The following PID1 variants were observed in gnomAD, a reference collection of about 807,000 sequenced individuals.
PID1 encodes PTB-containing, cubilin and LRP1-interacting protein.
Under a neutral mutation model 19.1 loss-of-function variants are expected in PID1, and 10 were observed. The observed-to-expected ratio is 0.52, with a 90% CI of 0.32 to 0.89. The LOEUF is 0.89. Ranked by LOEUF, PID1 falls within the 40% of genes least tolerant of loss-of-function variation. The pLI, the probability that PID1 is intolerant of heterozygous loss-of-function variation, is 0.03. For synonymous variants in PID1, 130 were observed against 116.0 expected (o/e 1.12, Z -0.78); for missense variants, 248 against 285.3 (o/e 0.87, Z 0.94).
At chr2:229,095,785 G>T (rs945456808) in intron 2 of PID1, among the ~76,000 whole-genome samples, 8 of 152,084 alleles carry the variant, frequency 5.3e-5, no homozygotes, top group African/African-American at 1.9e-4. Context: ...GTTTCTTCTG[G>T]ATATGAGCAG....
intron 2 of PID1, among the ~76,000 whole-genome samples, chr2:229,049,796 C>G (rs1407647422): frequency 6.6e-6 from 1 of 152,126 alleles, no homozygotes; most frequent in African/African-American, 2.4e-5. Context: ...AAGTCATCGA[C>G]ACAGAACACA....
intron 1 of PID1, among the ~76,000 whole-genome samples, chr2:229,270,014 G>A (rs571844960): frequency 6.6e-6 from 1 of 152,288 alleles, no homozygotes; most frequent in South Asian, 2.1e-4. Flanking sequence ...TGTGCTTGGG[G>A]CTGTAAATGT....
At chr2:229,136,976 T>G (rs1689869840) in intron 2 of PID1, among the ~76,000 whole-genome samples, 1 of 152,156 alleles carries the variant, frequency 6.6e-6, no homozygotes, top group African/African-American at 2.4e-5. Context: ...CCAACTCCCT[T>G]AAGGCAAGGG....
intron 1 of PID1, among the ~76,000 whole-genome samples, chr2:229,202,156 A>T (rs968605643): frequency 6.6e-6 from 1 of 152,090 alleles, no homozygotes; most frequent in African/African-American, 2.4e-5. Context: ...AGAAAAGCAC[A>T]CGTAATCCCT....
chr2:229,247,942 C>A (rs1690046255), intron 1 of PID1, among the ~76,000 whole-genome samples: 1 of 152,062 alleles, frequency 6.6e-6, no homozygotes, highest in Non-Finnish European at 1.5e-5. Context: ...CTCCCACCTC[C>A]TTCTCTTACT....
intron 2 of PID1, among the ~76,000 whole-genome samples, chr2:229,112,391 C>T (rs750768298): frequency 2.3e-4 from 35 of 152,166 alleles, no homozygotes; most frequent in Non-Finnish European, 4.3e-4. Context: ...ACGTTAAACG[C>T]TCCTTAGCAA....
chr2:229,243,307 G>C (rs1398857649), intron 1 of PID1, among the ~76,000 whole-genome samples: 1 of 152,068 alleles, frequency 6.6e-6, no homozygotes, highest in Non-Finnish European at 1.5e-5. Flanking sequence ...TGGGAATTGT[G>C]GGAGTTACAA....
intron 2 of PID1, among the ~76,000 whole-genome samples, chr2:229,076,396 CT>C (rs1186225696): frequency 7.9e-5 from 12 of 151,190 alleles, no homozygotes; most frequent in Non-Finnish European, 1.6e-4. Context: ...TTTTTTTTTA[CT>C]TTTTTTATGA....
At chr2:229,040,653 C>G (rs1373184536) in intron 2 of PID1, among the ~76,000 whole-genome samples, 1 of 152,032 alleles carries the variant, frequency 6.6e-6, no homozygotes, top group Admixed American at 6.6e-5. Context: ...GTAAACCTAA[C>G]TGGATTGCAA....
intron 2 of PID1, among the ~76,000 whole-genome samples, chr2:229,101,554 A>ACT (rs1695075082): frequency 6.6e-6 from 1 of 152,206 alleles, no homozygotes; most frequent in Non-Finnish European, 1.5e-5. Context: ...TGCTATGCAA[A>ACT]ATGTTTGCGT....
In PID1 at chr2:229,039,845, A is replaced by G. The variant is rs369066557; in HGVS notation, c.178-13737T>C. Among the ~76,000 whole-genome samples, 8 of 152,336 alleles carry G rather than the reference A, an allele frequency of 5.3e-5. No individual in the cohort carries two copies. The East Asian group carries it at 1.2e-3, about 22-fold the overall frequency. ...CCTTTTGGAAGGGAACTATCATTCT[A>G]TAACAAAACTCTATATGTCTTTTGA... On this transcript the variant is annotated intron_variant, in intron 2 of 2. Coordinates refer to ENST00000392055, the MANE Select transcript of PID1 (RefSeq NM_001100818.2).
At chr2:229,208,685 T>C (rs868678402) in intron 1 of PID1, among the ~76,000 whole-genome samples, 1 of 152,212 alleles carries the variant, frequency 6.6e-6, no homozygotes, top group Admixed American at 6.5e-5. Flanking sequence ...CTCATTGAAA[T>C]ATTTCTTAAC....
intron 1 of PID1, among the ~76,000 whole-genome samples, chr2:229,224,840 A>G (rs1692044533): frequency 6.6e-6 from 1 of 152,056 alleles, no homozygotes; most frequent in Non-Finnish European, 1.5e-5. Context: ...AATAAAAAAA[A>G]AAAAAAAACC....
chr2:229,078,894 GA>G (rs564273537), intron 2 of PID1, among the ~76,000 whole-genome samples: 42 of 149,518 alleles, frequency 2.8e-4, no homozygotes, highest in Non-Finnish European at 3.9e-4. Flanking sequence ...CTTTGCAATG[GA>G]AAAAAAAATA....
chr2:229,165,103 G>A (rs751818942), intron 1 of PID1, among the ~76,000 whole-genome samples: 8 of 152,186 alleles, frequency 5.3e-5, no homozygotes, highest in South Asian at 2.1e-4. Flanking sequence ...AGAAGTTCTA[G>A]TGCCACTAGT....
intron 2 of PID1, among the ~76,000 whole-genome samples, chr2:229,052,428 GT>G (rs1388227597): frequency 6.6e-5 from 10 of 152,254 alleles, no homozygotes; most frequent in African/African-American, 2.2e-4. Context: ...TAACTAAGGT[GT>G]TTAGCAATAA....
intron 2 of PID1, among the ~76,000 whole-genome samples, chr2:229,042,597 A>G (rs1693793862): frequency 6.6e-6 from 1 of 152,190 alleles, no homozygotes; most frequent in Admixed American, 6.5e-5. Flanking sequence ...GAGGAGGAGG[A>G]GAGTGTATCC....
At chr2:229,029,722 C>T (rs1248794133) in intron 2 of PID1, among the ~76,000 whole-genome samples, 1 of 151,848 alleles carries the variant, frequency 6.6e-6, no homozygotes, top group East Asian at 1.9e-4. Flanking sequence ...CACCTGTAAT[C>T]CCACCTACTC....
chr2:229,078,171 T>C (rs1694600150), intron 2 of PID1, among the ~76,000 whole-genome samples: 1 of 152,212 alleles, frequency 6.6e-6, no homozygotes, highest in Non-Finnish European at 1.5e-5. Context: ...CAATTCTGAA[T>C]GGGAGTTTGC....
Sources: gnomAD v4.1 joint callset for allele counts (sites outside exome capture counted in the v4.1 genomes callset) on GRCh38, gnomAD v4.1.1 for gene constraint, MANE v1.5 for transcripts, NCBI Gene and HGNC (gene_info 2026-07-23, HGNC 2026-07-21) for gene names.